TAF4B: variants seen among roughly 807,000 people sequenced by gnomAD.
The protein encoded by TAF4B is transcription initiation factor TFIID subunit 4B.
A neutral mutation model predicts 86.4 loss-of-function variants in TAF4B; 38 were observed. The observed-to-expected ratio is 0.44, with a 90% CI of 0.34 to 0.58. The LOEUF (loss-of-function observed/expected upper bound fraction) is 0.58, where lower values mean the gene tolerates loss of function less well. Ranked by LOEUF, TAF4B falls within the 20% of genes least tolerant of loss-of-function variation. The probability of loss-of-function intolerance (pLI) is 0.02; values close to 1 mark genes in which losing one functional copy is unlikely to be tolerated. For synonymous variants in TAF4B, 388 were observed against 391.2 expected, an observed-to-expected ratio of 0.99 and a Z score of 0.10; for missense variants, 988 against 1,027.6, an observed-to-expected ratio of 0.96 and a Z score of 0.53.
intron 13 of TAF4B, among the ~76,000 whole-genome samples, chr18:26,350,742 C>T (rs118083437): frequency 6.6e-6 from 1 of 152,126 alleles, no homozygotes; most frequent in South Asian, 2.1e-4. Flanking sequence ...CAAAAGAAGA[C>T]ATGCAAACAG....
At chr18:26,304,497 T>G (rs1448214824) in intron 9 of TAF4B, among the ~76,000 whole-genome samples, 6 of 152,196 alleles carry the variant, frequency 3.9e-5, no homozygotes, top group African/African-American at 1.4e-4. Context: ...TAAAACTTTG[T>G]GGGACAGGTA....
intron 3 of TAF4B, among the ~76,000 whole-genome samples, chr18:26,272,413 T>C (rs1267962576): frequency 1.3e-5 from 2 of 152,126 alleles, no homozygotes; most frequent in Non-Finnish European, 2.9e-5. Context: ...GCACAGGGGT[T>C]GGGGACCCCT....
chr18:26,268,454 T>G (rs2056270269), intron 3 of TAF4B, among the ~76,000 whole-genome samples: 1 of 152,182 alleles, frequency 6.6e-6, no homozygotes. Context: ...TCCCTTCCCC[T>G]CAACTACCAA....
Position 26,390,094 on chromosome 18 carries a change from AT to A in TAF4B, c.*85del. The A allele has an allele frequency of 7.2e-7, 1 of 1,386,868 alleles. No homozygotes were observed. Among genetic ancestry groups the A allele is most frequent in the Non-Finnish European group, 9.7e-7 (1 of 1,030,892 alleles). 85.9% of individuals were successfully genotyped at this position (1,386,868 alleles called of 1,614,324 possible). A position where few individuals can be genotyped will look rare whatever the true frequency, so the allele number is the denominator to read the frequency against. On this transcript the variant is annotated 3_prime_UTR_variant, in exon 15 of 15. Coordinates refer to ENST00000269142, the MANE Select transcript of TAF4B (RefSeq NM_005640.3). ...ATTGTTGCACTGTCCTGAAATTTCAATTTCTGGAAAATAATCACCAACATGA... is the reference window on the plus strand; with the variant it reads ...ATTGTTGCACTGTCCTGAAATTTCAATTCTGGAAAATAATCACCAACATGA...
At chr18:26,285,419 C>G (rs2056507610) in intron 6 of TAF4B, among the ~76,000 whole-genome samples, 1 of 151,658 alleles carries the variant, frequency 6.6e-6, no homozygotes, top group South Asian at 2.1e-4. Context: ...AACTCCTGGC[C>G]TCAAGTGATT....
intron 13 of TAF4B, among the ~76,000 whole-genome samples, chr18:26,344,369 TAAAAA>T (rs530661553): frequency 6.8e-6 from 1 of 147,358 alleles, no homozygotes; most frequent in East Asian, 1.9e-4. Flanking sequence ...TTTTTTTTTT[TAAAAA>T]AAAAGGGAAA....
intron 7 of TAF4B, among the ~76,000 whole-genome samples, chr18:26,291,482 G>A (rs141910631): frequency 0.042 from 6,335 of 152,022 alleles, 181 homozygotes; most frequent in Non-Finnish European, 0.059. Context: ...TGAGGTGGGC[G>A]GATCGCTTGA....
chr18:26,385,295 G>T (rs1446352323), intron 14 of TAF4B, among the ~76,000 whole-genome samples: 1 of 152,156 alleles, frequency 6.6e-6, no homozygotes, highest in African/African-American at 2.4e-5. Context: ...ATCTAAAATT[G>T]ATAACTGATG....
rs78149405 is a variant in TAF4B, at chr18:26,292,120, G to A, written c.1591-126G>A. On this transcript the variant is annotated intron_variant, in intron 7 of 14. Coordinates refer to ENST00000269142, the MANE Select transcript of TAF4B (RefSeq NM_005640.3). ...TTTGCTTCATACAAATTTAAAGTAG[G>A]CATTCTTGTTAAGATAAAGGTATAT... is the stretch of plus-strand genomic sequence containing the variant. 1,943 of 1,001,166 alleles carry A rather than the reference G, an allele frequency of 1.9e-3. 29 individuals are homozygous for A. The African/African-American group carries it at 0.03, about 15-fold the overall frequency. 62.0% of individuals were successfully genotyped at this position (1,001,166 alleles called of 1,614,324 possible).
intron 13 of TAF4B, among the ~76,000 whole-genome samples, chr18:26,355,329 A>G (rs2057279743): frequency 6.6e-6 from 1 of 152,158 alleles, no homozygotes. Context: ...ATCATTTGCC[A>G]TCCTGTTTCC....
chr18:26,296,699 A>T (rs2056666853), intron 9 of TAF4B, among the ~76,000 whole-genome samples: 1 of 152,172 alleles, frequency 6.6e-6, no homozygotes, highest in Admixed American at 6.5e-5. Context: ...CACCAAAAAG[A>T]TTCCTTTGCA....
At chr18:26,357,469 T>G (rs1255107770) in intron 13 of TAF4B, among the ~76,000 whole-genome samples, 1 of 152,192 alleles carries the variant, frequency 6.6e-6, no homozygotes, top group Non-Finnish European at 1.5e-5. Flanking sequence ...GTACTTCTCC[T>G]TTACCTGAGT....
At position 26,285,919 on chromosome 18, in the gene TAF4B, C is replaced by T; in HGVS notation, c.1010C>T (p.Ser337Phe). ...VVALRQLLPN[S>F]QSFIQQCVQQ... ...GCCTTACGACAACTTCTGCCTAACT[C>T]CCAGAGCTTCATCCAGCAATGTGTT... The change falls in exon 7 of 15, where the codon TCC (serine) becomes TTC (phenylalanine). Residue 337 changes from serine (S) to phenylalanine (F), a missense_variant. By Grantham distance (155) the Ser-to-Phe change is radical. Coordinates refer to ENST00000269142, the MANE Select transcript of TAF4B (RefSeq NM_005640.3). 1 of 1,613,390 alleles carries T rather than the reference C, an allele frequency of 6.2e-7. No individual in the cohort carries two copies. The highest frequency in any genetic ancestry group is 8.5e-7 in the Non-Finnish European group (1 of 1,179,538).
At chr18:26,341,688 T>G (rs2057137963) in intron 13 of TAF4B, among the ~76,000 whole-genome samples, 1 of 152,056 alleles carries the variant, frequency 6.6e-6, no homozygotes, top group Non-Finnish European at 1.5e-5. Flanking sequence ...ATAACCAGCC[T>G]TAGTGGTTGG....
chr18:26,315,146 G>GTCTCTCTC (rs1212422063), intron 9 of TAF4B, 83 bp from the exon 10 acceptor site: 2,621 of 150,260 alleles, frequency 0.017, 80 homozygotes, highest in African/African-American at 0.031. Flanking sequence ...CTCTCTCTCT[G>GTCTCTCTC]TCTCTCTCTC....
At chr18:26,292,165 A>C in intron 7 of TAF4B, 81 bp from the exon 8 acceptor site, 1 of 1,475,220 alleles carries the variant, frequency 6.8e-7, no homozygotes, top group Non-Finnish European at 9.1e-7. Flanking sequence ...GGGGAACACA[A>C]TCTGTTGTTT....
Position 26,355,408 on chromosome 18 carries a change from G to A in TAF4B, c.2317-2282G>A, listed in dbSNP as rs978760231. Among the ~76,000 whole-genome samples, 5 of 152,160 alleles carry A rather than the reference G, an allele frequency of 3.3e-5. No homozygotes were observed. In the East Asian group the frequency reaches 7.7e-4, roughly 23 times the overall value. On this transcript the variant is annotated intron_variant, in intron 13 of 14. Transcript: ENST00000269142. ...GTTACTTATTGTAGTCTTTATCCTC[G>A]ATAAATGCCAGATTTGCATTAATGC...
chr18:26,300,854 C>CT (rs1484661383), intron 9 of TAF4B, among the ~76,000 whole-genome samples: 1 of 146,008 alleles, frequency 6.8e-6, no homozygotes, highest in Non-Finnish European at 1.5e-5. Context: ...ATCTCCCACT[C>CT]TGATTTTTTT....
At chr18:26,359,270 C>A (rs73946378) in intron 14 of TAF4B, among the ~76,000 whole-genome samples, 10,522 of 152,200 alleles carry the variant, frequency 0.069, 1,130 homozygotes, top group African/African-American at 0.23. Flanking sequence ...CTCCAATGGA[C>A]ATTTAGGTTG....
Sources: gnomAD v4.1 joint callset for allele counts (sites outside exome capture counted in the v4.1 genomes callset) on GRCh38, gnomAD v4.1.1 for gene constraint, MANE v1.5 for transcripts, NCBI Gene and HGNC (gene_info 2026-07-23, HGNC 2026-07-21) for gene names.